DNAH14: variants seen among roughly 807,000 people sequenced by gnomAD.
DNAH14 encodes axonemal beta dynein heavy chain 14.
A neutral mutation model predicts 520.9 loss-of-function variants in DNAH14; 478 were observed. The observed-to-expected ratio is 0.92, with a 90% confidence interval of 0.85 to 0.99. DNAH14 has a LOEUF of 0.99. Among genes scored for constraint, DNAH14 ranks in the 50% least tolerant of loss-of-function variants. DNAH14 has a pLI of 0.00. For synonymous variants in DNAH14, 1,581 were observed against 1,757.2 expected (o/e 0.90, Z 2.51); for missense variants, 4,831 against 5,234.5 (o/e 0.92, Z 2.38).
intron 8 of DNAH14, among the ~76,000 whole-genome samples, chr1:224,980,561 GC>G (rs1465388865): frequency 6.6e-6 from 1 of 152,226 alleles, no homozygotes; most frequent in East Asian, 1.9e-4. Flanking sequence ...GGATCTCACT[GC>G]CATTAAGGGA....
intron 23 of DNAH14, among the ~76,000 whole-genome samples, chr1:225,108,372 C>A (rs549919809): frequency 6.6e-6 from 1 of 152,250 alleles, no homozygotes; most frequent in Non-Finnish European, 1.5e-5. Flanking sequence ...TGTGGGACTT[C>A]ACCTTGTGAC....
intron 17 of DNAH14, among the ~76,000 whole-genome samples, chr1:225,065,276 AATG>A (rs1212303588): frequency 9.2e-5 from 14 of 151,912 alleles, no homozygotes; most frequent in Admixed American, 9.2e-4. Flanking sequence ...AAAGTGATGT[AATG>A]ATTTATGAAC....
intron 69 of DNAH14, 80 bp from the exon 70 acceptor site, chr1:225,345,882 C>T: frequency 1.6e-6 from 2 of 1,240,196 alleles, no homozygotes; most frequent in South Asian, 3.1e-5. Flanking sequence ...CAAACCCTTA[C>T]ACAAAGAGTG....
chr1:225,180,090 T>G (rs2083795366), intron 36 of DNAH14, among the ~76,000 whole-genome samples: 1 of 152,222 alleles, frequency 6.6e-6, no homozygotes, highest in African/African-American at 2.4e-5. Flanking sequence ...GGGGTAGTCT[T>G]ATTTGAGTTA....
intron 54 of DNAH14, among the ~76,000 whole-genome samples, chr1:225,285,579 C>T (rs1212091802): frequency 1.3e-5 from 2 of 148,982 alleles, no homozygotes; most frequent in African/African-American, 2.5e-5. Context: ...GATGCTGGCC[C>T]AGTGTGGTGG....
In DNAH14 at chr1:225,337,314, G is replaced by A. The variant is rs1044940155; in HGVS notation, c.10129G>A (p.Glu3377Lys). The change falls in exon 67 of 86, where the codon GAG becomes AAG. Residue 3377 changes from glutamate to lysine, a missense_variant. Glu to Lys is a moderately conservative substitution (Grantham distance 56). Coordinates refer to ENST00000682510, the MANE Select transcript of DNAH14 (RefSeq NM_001367479.1). ...QGLPHGQYSV[E>K]NAILIKNGQQ... is the part of the protein sequence containing the mutation. ...ACTGCCTCATGGTCAGTATTCAGTA[G>A]AGAATGCCATCTTGATCAAGAATGG... The A allele has an allele frequency of 1.9e-6, 3 of 1,551,772 alleles. No individual in the cohort carries two copies. The highest frequency in any genetic ancestry group is 2.6e-6 in the Non-Finnish European group (3 of 1,147,040).
At chr1:225,231,263 C>T in intron 42 of DNAH14, 112 bp downstream of exon 42, 2 of 684,166 alleles carry the variant, frequency 2.9e-6, no homozygotes, top group Non-Finnish European at 4.6e-6. Flanking sequence ...TTCATAGTAT[C>T]AGAATCCACT....
chr1:225,399,036 T>TATGCAA lies in DNAH14; in HGVS notation c.13639-18_13639-17insATGCAA. The TATGCAA allele has an allele frequency of 5.6e-6, 2 of 359,656 alleles. No homozygotes were observed. The highest frequency in any genetic ancestry group is 1.3e-4 in the South Asian group (2 of 15,216). The allele number at this position is 359,656 out of a possible 1,614,324, so 22.3% of individuals were successfully genotyped here. On this transcript the variant is annotated splice_polypyrimidine_tract_variant and intron_variant, in intron 85 of 85. Coordinates refer to ENST00000682510, the MANE Select transcript of DNAH14 (RefSeq NM_001367479.1). The stretch of plus-strand genomic sequence containing the variant: ...TGAACTATGCAATTTGACTACTGGA[T>TATGCAA]TTTTTTTTTTTTTAAAGATTTCTAC...
At position 224,955,020 on chromosome 1, in the gene DNAH14, G is replaced by A. The variant is rs748332400; in HGVS notation, c.139G>A (p.Glu47Lys). The A allele has an allele frequency of 6.2e-7, 1 of 1,611,104 alleles. No individual in the cohort carries two copies. Among genetic ancestry groups the A allele is most frequent in the Non-Finnish European group, 8.5e-7 (1 of 1,177,974 alleles). ...DVKPLETQPA[E>K]IAEKETLEYK... ...GAAACCATTAGAGACTCAACCAGCT[G>A]AAATAGCAGAAAAGGAAACATTGGA... The change falls in exon 3 of 86, where the codon GAA (glutamate) becomes AAA (lysine). Residue 47 changes from glutamate (E) to lysine (K), a missense_variant. Coordinates refer to ENST00000682510, the MANE Select transcript of DNAH14 (RefSeq NM_001367479.1).
intron 9 of DNAH14, among the ~76,000 whole-genome samples, chr1:225,003,305 C>T (rs1327097467): frequency 6.6e-6 from 1 of 151,934 alleles, no homozygotes; most frequent in Non-Finnish European, 1.5e-5. Flanking sequence ...TATGAATTCT[C>T]CTATTTCAAG....
At chr1:224,949,882 A>G (rs2060064102) in intron 1 of DNAH14, among the ~76,000 whole-genome samples, 1 of 152,018 alleles carries the variant, frequency 6.6e-6, no homozygotes, top group African/African-American at 2.4e-5. Context: ...CTTTTATCTG[A>G]TATCTCCTAC....
At position 225,267,397 on chromosome 1, in the gene DNAH14, C is replaced by T. The variant is rs544665760; in HGVS notation, c.7539+628C>T. On this transcript the variant is annotated intron_variant, in intron 49 of 85. Coordinates refer to ENST00000682510, the MANE Select transcript of DNAH14 (RefSeq NM_001367479.1). ...CAAACTCCGCCTCCCAGGTTCACAC[C>T]ATTCTCCTGCCTCAGCCTCCCTAGT... Among the ~76,000 whole-genome samples the T allele has an allele frequency of 2.1e-3, 321 of 151,522 alleles. 2 individuals carry two copies. The highest frequency in any genetic ancestry group is 7.5e-3 in the African/African-American group (309 of 41,274).
intron 41 of DNAH14, among the ~76,000 whole-genome samples, chr1:225,210,392 T>G: frequency 6.6e-6 from 1 of 152,106 alleles, no homozygotes; most frequent in East Asian, 1.9e-4. Flanking sequence ...ACAAAGGAAC[T>G]GGGAAGTTCA....
intron 8 of DNAH14, among the ~76,000 whole-genome samples, chr1:225,001,164 C>A (rs1353599883): frequency 6.6e-6 from 1 of 151,390 alleles, no homozygotes; most frequent in Non-Finnish European, 1.5e-5. Context: ...TCTTCAGCTT[C>A]AAGTCTGGGA....
At chr1:225,008,044 C>T (rs966554769) in intron 10 of DNAH14, among the ~76,000 whole-genome samples, 3 of 151,332 alleles carry the variant, frequency 2.0e-5, no homozygotes, top group Non-Finnish European at 2.9e-5. Context: ...CATTTACATT[C>T]GGTATTTCTC....
intron 41 of DNAH14, among the ~76,000 whole-genome samples, chr1:225,221,199 A>G (rs934847269): frequency 1.3e-5 from 2 of 152,234 alleles, no homozygotes; most frequent in East Asian, 1.9e-4. Flanking sequence ...AAAACATAAA[A>G]AACCCTAGAA....
At chr1:225,182,591 C>T (rs1357110938) in intron 36 of DNAH14, among the ~76,000 whole-genome samples, 2 of 152,166 alleles carry the variant, frequency 1.3e-5, no homozygotes, top group Non-Finnish European at 2.9e-5. Flanking sequence ...AAAGAACAGT[C>T]TCACACTGCC....
intron 1 of DNAH14, among the ~76,000 whole-genome samples, chr1:224,940,479 T>A (rs1220580110): frequency 1.3e-5 from 2 of 152,202 alleles, no homozygotes; most frequent in East Asian, 1.9e-4. Flanking sequence ...CTTGTCTTTT[T>A]ATTTTCTTTA....
At chr1:225,207,490 G>A (rs186599642) in intron 41 of DNAH14, among the ~76,000 whole-genome samples, 62 of 152,200 alleles carry the variant, frequency 4.1e-4, no homozygotes, top group Admixed American at 2.7e-3. Flanking sequence ...GAATGTTTTC[G>A]CGTATTTTAA....
Sources: gnomAD v4.1 joint callset for allele counts (sites outside exome capture counted in the v4.1 genomes callset) on GRCh38, gnomAD v4.1.1 for gene constraint, MANE v1.5 for transcripts, NCBI Gene and HGNC (gene_info 2026-07-23, HGNC 2026-07-21) for gene names.